MOXD1: variants seen among roughly 807,000 people sequenced by gnomAD.
The protein encoded by MOXD1 is monooxygenase DBH like 1, also known as DBH-like monooxygenase protein 1.
Under a neutral mutation model 66.6 loss-of-function variants are expected in MOXD1, and 62 were observed. The observed-to-expected ratio is 0.93, with a 90% confidence interval of 0.76 to 1.15. The LOEUF is 1.15. Among genes scored for constraint, MOXD1 ranks in the 50% most tolerant of loss-of-function variants. The pLI is 0.00. For synonymous variants in MOXD1, 303 were observed against 281.9 expected (o/e 1.07, Z -0.75); for missense variants, 847 against 754.6 (o/e 1.12, Z -1.44).
In MOXD1 at chr6:132,355,961, G is replaced by A. The variant is rs185546775; in HGVS notation, c.663+16647C>T. On this transcript the variant is annotated intron_variant, in intron 4 of 11. Transcript: ENST00000367963. ...ACAACATGGCCAACTTGCACATCCC[G>A]TTCGGCAAAAAAAGCCAGACACAGA... is the stretch of plus-strand genomic sequence containing the variant. 3.8e-3 allele frequency among the ~76,000 whole-genome samples: 580 copies of A among 152,208 alleles called. 4 individuals are homozygous for A. Among genetic ancestry groups the A allele is most frequent in the Middle Eastern group, 0.024 (7 of 294 alleles).
At chr6:132,361,993 A>G (rs1776026326) in intron 4 of MOXD1, among the ~76,000 whole-genome samples, 1 of 152,130 alleles carries the variant, frequency 6.6e-6, no homozygotes, top group African/African-American at 2.4e-5. Flanking sequence ...TATCTCACTT[A>G]TCAAAAGTGA....
intron 1 of MOXD1, among the ~76,000 whole-genome samples, chr6:132,395,260 G>C (rs1776846319): frequency 6.6e-6 from 1 of 152,042 alleles, no homozygotes; most frequent in Admixed American, 6.6e-5. Flanking sequence ...AAAAGCTGAG[G>C]GAATTTATCA....
Position 132,350,076 on chromosome 6 carries a change from T to C in MOXD1, c.664-21482A>G, listed in dbSNP as rs376313583. 1.7e-3 allele frequency among the ~76,000 whole-genome samples: 260 copies of C among 152,326 alleles called. 1 individual carries two copies. The highest frequency in any genetic ancestry group is 6.0e-3 in the African/African-American group (250 of 41,572). On this transcript the variant is annotated intron_variant, in intron 4 of 11. Coordinates refer to ENST00000367963, the MANE Select transcript of MOXD1 (RefSeq NM_015529.4). ...AAATTTTCCCCCACTCTGTGGGTTGTCTGTTTACTCTGCTGACTATTCCTT... is the reference window on the plus strand; with the variant it reads ...AAATTTTCCCCCACTCTGTGGGTTGCCTGTTTACTCTGCTGACTATTCCTT...
intron 10 of MOXD1, among the ~76,000 whole-genome samples, chr6:132,313,178 C>G (rs1438799574): frequency 6.6e-6 from 1 of 152,062 alleles, no homozygotes; most frequent in African/African-American, 2.4e-5. Flanking sequence ...TAGATGCAAA[C>G]CCCAACTCTC....
chr6:132,313,743 G>A (rs201865267), intron 10 of MOXD1, among the ~76,000 whole-genome samples: 11 of 151,884 alleles, frequency 7.2e-5, no homozygotes, highest in African/African-American at 2.2e-4. Context: ...GAGAAACCCC[G>A]TCTCTACTAA....
intron 6 of MOXD1, among the ~76,000 whole-genome samples, chr6:132,327,055 C>T (rs888698726): frequency 1.5e-4 from 23 of 152,278 alleles, no homozygotes; most frequent in South Asian, 1.5e-3. Flanking sequence ...CTTCAGCCTT[C>T]CTCTGCAGGT....
intron 1 of MOXD1, among the ~76,000 whole-genome samples, chr6:132,376,122 C>T (rs527690072): frequency 6.6e-6 from 1 of 152,278 alleles, no homozygotes; most frequent in African/African-American, 2.4e-5. Context: ...GCCTTAATTA[C>T]TGCCTTTCTG....
chr6:132,374,118 C>T (rs575607960), intron 2 of MOXD1, among the ~76,000 whole-genome samples: 1 of 152,210 alleles, frequency 6.6e-6, no homozygotes, highest in African/African-American at 2.4e-5. Context: ...TTTGAATGCA[C>T]ATAAAGATAT....
chr6:132,374,771 A>G lies in MOXD1; in HGVS notation c.271T>C (p.Phe91Leu). 6.2e-7 allele frequency: 1 copy of G among 1,613,600 alleles called. No individual in the cohort carries two copies. Among genetic ancestry groups the G allele is most frequent in the Non-Finnish European group, 8.5e-7 (1 of 1,179,602 alleles). The change falls in exon 2 of 12, where the codon TTT (phenylalanine) becomes CTT (leucine). Residue 91 changes from phenylalanine to leucine, a missense_variant. Physicochemically the swap from Phe to Leu is conservative, Grantham distance 22. Coordinates refer to ENST00000367963, the MANE Select transcript of MOXD1 (RefSeq NM_015529.4). ...TTCAACTCTCTATTTGCATTTGTAA[A>G]ATAATCCTGTGGAAAATATGGAAAA... The part of the protein sequence containing the change: ...AHGRPYLQDY[F>L]TNANRELKKD...
At chr6:132,340,477 G>T in intron 4 of MOXD1, among the ~76,000 whole-genome samples, 1 of 146,288 alleles carries the variant, frequency 6.8e-6, no homozygotes. Flanking sequence ...ATGGGAAATA[G>T]GTTAAGGTGG....
Position 132,297,441 on chromosome 6 carries a change from C to T in MOXD1, c.1678-124G>A. 3.0e-6 allele frequency: 3 copies of T among 989,620 alleles called. No homozygotes were observed. In the South Asian group the frequency reaches 5.0e-5, roughly 16 times the overall value. The allele number at this position is 989,620 out of a possible 1,614,324, so 61.3% of individuals were successfully genotyped here. A position where few individuals can be genotyped will look rare whatever the true frequency, so the allele number is the denominator to read the frequency against. ...GGGCAGGAGTGGTTACCAAAGGAGT[C>T]ACACACTGGGGGAGTCAGAAACCTA... On this transcript the variant is annotated intron_variant, in intron 11 of 11. Transcript: ENST00000367963.
intron 1 of MOXD1, among the ~76,000 whole-genome samples, chr6:132,388,806 T>A (rs185406983): frequency 6.6e-6 from 1 of 151,542 alleles, no homozygotes; most frequent in African/African-American, 2.4e-5. Context: ...CATTTACTAA[T>A]GAAATGAAAT....
intron 4 of MOXD1, among the ~76,000 whole-genome samples, chr6:132,348,464 G>C (rs531177961): frequency 3.3e-5 from 5 of 152,290 alleles, no homozygotes; most frequent in African/African-American, 1.2e-4. Flanking sequence ...AGGGTCATTA[G>C]TCTTACAAGT....
intron 4 of MOXD1, among the ~76,000 whole-genome samples, chr6:132,359,565 C>A (rs955960030): frequency 3.3e-5 from 5 of 149,702 alleles, no homozygotes; most frequent in Non-Finnish European, 1.5e-5. Flanking sequence ...CGGCTCACTG[C>A]AAGCTCCGCC....
At chr6:132,353,300 C>T (rs1043756082) in intron 4 of MOXD1, among the ~76,000 whole-genome samples, 1 of 152,014 alleles carries the variant, frequency 6.6e-6, no homozygotes, top group Admixed American at 6.6e-5. Context: ...TGATGTGTTT[C>T]TGGATTTGTT....
chr6:132,298,464 C>A (rs1774459177), intron 10 of MOXD1, among the ~76,000 whole-genome samples: 1 of 152,118 alleles, frequency 6.6e-6, no homozygotes, highest in African/African-American at 2.4e-5. Context: ...ATCAAGAAAC[C>A]TGCAGGTTCC....
Position 132,315,707 on chromosome 6 carries a change from C to G in MOXD1, c.1436G>C (p.Arg479Pro), listed in dbSNP as rs751748575. Residue 479 changes from arginine (R) to proline (P), a missense_variant, in exon 10 of 12, where the codon CGA (arginine) becomes CCA (proline). Transcript: ENST00000367963. ...LLYYPRINLTRCASIPDIMEQ... is the reference protein window; with the variant it reads ...LLYYPRINLTPCASIPDIMEQ... ...CATAATGTCTGGAATACTTGCACAT[C>G]GAGTAAGATTAATTCTTGGGTAATA... is the stretch of plus-strand genomic sequence containing the variant. 12 of 1,613,170 alleles carry G rather than the reference C, an allele frequency of 7.4e-6. No individual in the cohort carries two copies. The South Asian group carries it at 1.1e-4, about 15-fold the overall frequency.
intron 4 of MOXD1, among the ~76,000 whole-genome samples, chr6:132,345,011 T>A (rs1024263012): frequency 6.6e-6 from 1 of 152,108 alleles, no homozygotes; most frequent in African/African-American, 2.4e-5. Context: ...CTGCCCTATG[T>A]GACAGGAACC....
intron 1 of MOXD1, chr6:132,375,140 C>T (rs1468887389): frequency 3.2e-6 from 1 of 314,342 alleles, no homozygotes; most frequent in Non-Finnish European, 5.8e-6. Context: ...AGTTTGATAA[C>T]TAGTTAGCAG....
Sources: allele counts gnomAD v4.1 joint callset (sites outside exome capture counted in the v4.1 genomes callset), GRCh38; gene constraint gnomAD v4.1.1; transcripts MANE v1.5; gene names NCBI Gene and HGNC (gene_info 2026-07-23, HGNC 2026-07-21).